The following MYO1F variants were observed in gnomAD, a reference collection of about 807,000 sequenced individuals.
The protein encoded by MYO1F is myosin IF, also known as unconventional myosin-If.
A neutral mutation model predicts 146.6 loss-of-function variants in MYO1F; 60 were observed. The observed-to-expected ratio is 0.41, with a 90% CI of 0.33 to 0.51. The LOEUF is 0.51. Among genes scored for constraint, MYO1F ranks in the 20% least tolerant of loss-of-function variants. MYO1F has a pLI of 0.25. For missense variants in MYO1F, 1,274 were observed against 1,534.3 expected (o/e 0.83, Z 2.83); for synonymous variants, 602 against 602.1 (o/e 1.00, Z 0.00).
intron 1 of MYO1F, among the ~76,000 whole-genome samples, chr19:8,567,999 G>C (rs2042036974): frequency 6.6e-6 from 1 of 152,186 alleles, no homozygotes; most frequent in South Asian, 2.1e-4. Flanking sequence ...CTGACGACTT[G>C]GTTCCTCTTC....
At chr19:8,546,005 G>GCAT (rs1425897563) in intron 12 of MYO1F, among the ~76,000 whole-genome samples, 1 of 150,166 alleles carries the variant, frequency 6.7e-6, no homozygotes, top group African/African-American at 2.5e-5. Context: ...CAGTGCAGTT[G>GCAT]CATTCCGGTT....
rs767345027 is a variant in MYO1F at position 8,551,721 on chromosome 19, A to C, written c.771+19T>G. The stretch of plus-strand genomic sequence containing the variant: ...TGAGGTCTGCCTGGCCGGGGACTGG[A>C]GTAGAGGCCGGTGCTCACCAGAGTC... On this transcript the variant is annotated intron_variant, in intron 8 of 27. Transcript: ENST00000644032. The C allele has an allele frequency of 6.2e-6, 10 of 1,614,074 alleles. No homozygotes were observed. In the East Asian group the frequency reaches 1.8e-4, roughly 29 times the overall value.
chr19:8,537,817 C>T (rs1972792092), intron 16 of MYO1F, among the ~76,000 whole-genome samples: 1 of 152,082 alleles, frequency 6.6e-6, no homozygotes, highest in Non-Finnish European at 1.5e-5. Flanking sequence ...GTAGCCTCAG[C>T]CTCCTGTGCT....
Position 8,574,587 on chromosome 19 carries a change from CTCTCTCTCTCTTTCTTTCTT to C in MYO1F, c.3+2700_3+2719del, listed in dbSNP as rs1206944751. Among the ~76,000 whole-genome samples, 36 of 81,544 alleles carry C rather than the reference CTCTCTCTCTCTTTCTTTCTT, an allele frequency of 4.4e-4. 1 individual carries two copies. The highest frequency in any genetic ancestry group is 1.9e-3 in the African/African-American group (34 of 17,570). 53.5% of individuals were successfully genotyped at this position (81,544 alleles called of 152,430 possible). A position where few individuals can be genotyped will look rare whatever the true frequency, so the allele number is the denominator to read the frequency against. ...TCTTTCTTTCTTTCTTTCTCTCTCTCTCTCTCTCTCTTTCTTTCTTTCTTTCTTTCTTTCTTTCTTTCTTT... is the reference window on the plus strand; with the variant it reads ...TCTTTCTTTCTTTCTTTCTCTCTCTCTCTTTCTTTCTTTCTTTCTTTCTTT... On this transcript the variant is annotated intron_variant, in intron 1 of 27. Transcript: ENST00000644032.
chr19:8,529,766 T>G, intron 21 of MYO1F: 1 of 319,818 alleles, frequency 3.1e-6, no homozygotes, highest in Non-Finnish European at 6.1e-6. Flanking sequence ...TACAAGTGCA[T>G]GTTTGATGGA....
In MYO1F at chr19:8,537,206, G is replaced by A. The variant is rs190898847; in HGVS notation, c.1693-151C>T. The A allele has an allele frequency of 1.0e-3, 650 of 650,386 alleles. 7 individuals are homozygous for A. The highest frequency in any genetic ancestry group is 7.9e-3 in the African/African-American group (445 of 56,082). 40.3% of individuals were successfully genotyped at this position (650,386 alleles called of 1,614,324 possible). ...TAAGCCACAGGGGCCAGATGTCCCTGGTCTGTGTGCACCTCCACTAGTGCA... is the reference window on the plus strand; with the variant it reads ...TAAGCCACAGGGGCCAGATGTCCCTAGTCTGTGTGCACCTCCACTAGTGCA... On this transcript the variant is annotated intron_variant, in intron 16 of 27. Coordinates refer to ENST00000644032, the MANE Select transcript of MYO1F (RefSeq NM_012335.4).
At chr19:8,559,672 G>C (rs544305028) in intron 1 of MYO1F, among the ~76,000 whole-genome samples, 15 of 151,914 alleles carry the variant, frequency 9.9e-5, no homozygotes, top group Non-Finnish European at 1.9e-4. Flanking sequence ...TAACACGACC[G>C]GGCGCGGTGG....
At chr19:8,529,899 C>T (rs1294625803) in intron 21 of MYO1F, 6 of 514,434 alleles carry the variant, frequency 1.2e-5, no homozygotes, top group South Asian at 2.1e-5. Context: ...GGCAGGTGTG[C>T]CTGGGCTAGG....
chr19:8,555,355 C>T lies in MYO1F; in HGVS notation c.141+304G>A, dbSNP rs539939032. 7.3e-5 allele frequency: 21 copies of T among 286,824 alleles called. No homozygotes were observed. In the East Asian group the frequency reaches 1.1e-3, roughly 15 times the overall value. 17.8% of individuals were successfully genotyped at this position (286,824 alleles called of 1,614,324 possible). On this transcript the variant is annotated intron_variant, in intron 2 of 27. Transcript: ENST00000644032. Reference sequence around the variant, plus strand: ...ACTACACTCCAGCCTGGAACCTGGGCGACAGAGCAAGACTCCGTCTCAAAA... The same window carrying T: ...ACTACACTCCAGCCTGGAACCTGGGTGACAGAGCAAGACTCCGTCTCAAAA...
chr19:8,527,044 C>G, intron 22 of MYO1F, 109 bp from the exon 23 acceptor site: 4 of 1,438,740 alleles, frequency 2.8e-6, no homozygotes, highest in East Asian at 4.6e-5. Flanking sequence ...CAGCTAAGGG[C>G]CAAGTCAGCG....
intron 19 of MYO1F, among the ~76,000 whole-genome samples, chr19:8,532,913 C>T (rs1449212041): frequency 9.5e-5 from 13 of 137,434 alleles, no homozygotes; most frequent in Non-Finnish European, 1.5e-4. Flanking sequence ...TACACACACA[C>T]ACACACACAC....
At chr19:8,523,181 G>A (rs547256756) in intron 25 of MYO1F, among the ~76,000 whole-genome samples, 1 of 151,604 alleles carries the variant, frequency 6.6e-6, no homozygotes, top group South Asian at 2.1e-4. Flanking sequence ...ACAGGCACCT[G>A]CCACCACGCC....
intron 6 of MYO1F, 30 bp downstream of exon 6, chr19:8,553,109 G>A: frequency 3.1e-6 from 5 of 1,606,008 alleles, no homozygotes; most frequent in Non-Finnish European, 4.3e-6. Flanking sequence ...GGAGGGAGCA[G>A]CTGCTCCAAG....
At chr19:8,570,093 G>A (rs143208152) in intron 1 of MYO1F, among the ~76,000 whole-genome samples, 1 of 150,816 alleles carries the variant, frequency 6.6e-6, no homozygotes, top group African/African-American at 2.4e-5. Context: ...TTTTTTTTGA[G>A]ATGGAGTCTT....
At chr19:8,532,113 G>A (rs1202059595) in intron 19 of MYO1F, among the ~76,000 whole-genome samples, 1 of 151,436 alleles carries the variant, frequency 6.6e-6, no homozygotes, top group Non-Finnish European at 1.5e-5. Context: ...GTGAGACTCA[G>A]TCCCCCGACC....
At chr19:8,576,142 G>A (rs1185994348) in intron 1 of MYO1F, among the ~76,000 whole-genome samples, 2 of 152,158 alleles carry the variant, frequency 1.3e-5, no homozygotes, top group African/African-American at 2.4e-5. Context: ...GATTACAGGC[G>A]TGTGCCACCA....
chr19:8,567,058 A>AT (rs768377216), intron 1 of MYO1F, among the ~76,000 whole-genome samples: 6,428 of 127,636 alleles, frequency 0.05, 515 homozygotes, highest in African/African-American at 0.16. Context: ...ACTGGGTCCA[A>AT]TTTTTTTTTT....
rs140428641 is a variant in MYO1F, at chr19:8,537,074, C to CAG, written c.1693-20_1693-19insCT. The CAG allele has an allele frequency of 0.011, 17,085 of 1,518,698 alleles. 220 individuals carry two copies. The highest frequency in any genetic ancestry group is 0.064 in the African/African-American group (4,559 of 70,856). 94.1% of individuals were successfully genotyped at this position (1,518,698 alleles called of 1,614,324 possible). A position where few individuals can be genotyped will look rare whatever the true frequency, so the allele number is the denominator to read the frequency against. ...CTTGTTTCTGAGGCAGAAGTGAAGA[C>CAG]GGGTGGGTGGGGGGCACAGAGATGG... On this transcript the variant is annotated intron_variant, in intron 16 of 27. Coordinates refer to ENST00000644032, the MANE Select transcript of MYO1F (RefSeq NM_012335.4).
At chr19:8,543,069 GA>G (rs1973050161) in intron 14 of MYO1F, among the ~76,000 whole-genome samples, 1 of 151,274 alleles carries the variant, frequency 6.6e-6, no homozygotes, top group South Asian at 2.1e-4. Context: ...ACGCCCGGCT[GA>G]TTTTTGTATT....
Sources: gnomAD v4.1 joint callset for allele counts (sites outside exome capture counted in the v4.1 genomes callset) on GRCh38, gnomAD v4.1.1 for gene constraint, MANE v1.5 for transcripts, NCBI Gene and HGNC (gene_info 2026-07-23, HGNC 2026-07-21) for gene names.